The following MYO16 variants were observed in gnomAD, a reference collection of about 807,000 sequenced individuals.
The protein encoded by MYO16 is unconventional myosin-XVI.
Under a neutral mutation model 205.3 loss-of-function variants are expected in MYO16, and 94 were observed. The ratio of observed to expected loss-of-function variants is 0.46; its 90% CI spans 0.39 to 0.54. MYO16 has a LOEUF of 0.54. Ranked by LOEUF, MYO16 falls within the 20% of genes least tolerant of loss-of-function variation. The pLI, the probability that MYO16 is intolerant of heterozygous loss-of-function variation, is 0.00. For missense variants in MYO16, 2,315 were observed against 2,387.5 expected, an observed-to-expected ratio of 0.97 and a Z score of 0.63; for synonymous variants, 988 against 954.0, an observed-to-expected ratio of 1.04 and a Z score of -0.66.
At chr13:109,034,058 C>A (rs1302753282) in intron 23 of MYO16, among the ~76,000 whole-genome samples, 1 of 152,036 alleles carries the variant, frequency 6.6e-6, no homozygotes, top group Non-Finnish European at 1.5e-5. Context: ...AGCAAATGGG[C>A]GTACCTTGAA....
At chr13:108,640,516 T>C (rs1021965024) in intron 1 of MYO16, among the ~76,000 whole-genome samples, 18 of 152,158 alleles carry the variant, frequency 1.2e-4, no homozygotes, top group African/African-American at 4.1e-4. Flanking sequence ...GCTTCATTTT[T>C]TTGGAGAGGA....
At chr13:109,199,193 TATATA>T (rs1228122219) in intron 34 of MYO16, among the ~76,000 whole-genome samples, 1 of 2,028 alleles carries the variant, frequency 4.9e-4, no homozygotes, top group Non-Finnish European at 3.4e-3. Context: ...ATAAAAAAGG[TATATA>T]TATATATATA....
chr13:109,000,187 C>T (rs1158256533), intron 21 of MYO16, among the ~76,000 whole-genome samples: 1 of 152,094 alleles, frequency 6.6e-6, no homozygotes, highest in Admixed American at 6.5e-5. Flanking sequence ...TGTGGCTGTC[C>T]AGCTATAAAG....
chr13:109,045,968 T>C (rs533258198), intron 23 of MYO16, among the ~76,000 whole-genome samples: 8 of 142,176 alleles, frequency 5.6e-5, no homozygotes, highest in African/African-American at 2.0e-4. Flanking sequence ...AGGCACACTC[T>C]CCCTCAGGCG....
intron 16 of MYO16, among the ~76,000 whole-genome samples, chr13:108,948,215 C>A (rs1236137355): frequency 2.6e-5 from 4 of 152,186 alleles, no homozygotes; most frequent in Non-Finnish European, 5.9e-5. Context: ...TTTATTGATA[C>A]CAACTGTTTA....
At chr13:109,139,900 T>C (rs932983296) in intron 31 of MYO16, among the ~76,000 whole-genome samples, 3 of 152,062 alleles carry the variant, frequency 2.0e-5, no homozygotes, top group African/African-American at 7.2e-5. Context: ...TTTACTTTTG[T>C]TTCTTTTTAA....
intron 1 of MYO16, among the ~76,000 whole-genome samples, chr13:108,636,096 G>T (rs1228530709): frequency 2.6e-5 from 4 of 151,820 alleles, no homozygotes; most frequent in Non-Finnish European, 4.4e-5. Context: ...ATTGAAATTT[G>T]CTTTTGTCGC....
At chr13:108,588,369 T>C in the MYO16 span, among the ~76,000 whole-genome samples, 1 of 152,214 alleles carries the variant, frequency 6.6e-6, no homozygotes, top group African/African-American at 2.4e-5. Context: ...GCATCATTAC[T>C]GGCTCAGCGC....
intron 9 of MYO16, 58 bp downstream of exon 9, chr13:108,823,336 G>T: frequency 6.6e-7 from 1 of 1,505,536 alleles, no homozygotes; most frequent in Non-Finnish European, 9.0e-7. Flanking sequence ...GGTCATTTTA[G>T]AGCCCATATT....
chr13:108,941,676 CAA>C (rs576929781), intron 16 of MYO16, among the ~76,000 whole-genome samples: 25 of 45,022 alleles, frequency 5.6e-4, no homozygotes, highest in African/African-American at 8.9e-4. Flanking sequence ...GACTCAGTCT[CAA>C]AAAAAAAAAA....
Position 109,055,609 on chromosome 13 carries a change from C to T in MYO16, c.3335+14C>T, listed in dbSNP as rs964630424. The T allele has an allele frequency of 1.2e-6, 2 of 1,600,368 alleles. No homozygotes were observed. Among genetic ancestry groups the T allele is most frequent in the South Asian group, 1.1e-5 (1 of 90,934 alleles). Reference sequence around the variant, plus strand: ...TTTCCTGTCAAGGTAAATTCTTCTGCTCTTAAAATCGTCGTTCTCGCTGCT... The same window carrying T: ...TTTCCTGTCAAGGTAAATTCTTCTGTTCTTAAAATCGTCGTTCTCGCTGCT... On this transcript the variant is annotated intron_variant, in intron 27 of 34. Transcript: ENST00000457511. This position sits in a 1 kb window ranked among gnomAD's most constrained non-coding sequence, Gnocchi z 5.0.
chr13:108,877,094 C>G (rs937598209), intron 12 of MYO16, among the ~76,000 whole-genome samples: 4 of 152,104 alleles, frequency 2.6e-5, no homozygotes, highest in Non-Finnish European at 5.9e-5. Flanking sequence ...GACACACAAC[C>G]GGTTATATTT....
chr13:109,022,218 TTA>T (rs1449537401), intron 23 of MYO16, among the ~76,000 whole-genome samples: 1 of 133,852 alleles, frequency 7.5e-6, no homozygotes, highest in African/African-American at 3.0e-5. Flanking sequence ...ATTTTTATAT[TTA>T]TATATTATAT....
intron 20 of MYO16, among the ~76,000 whole-genome samples, chr13:108,968,346 A>G (rs1452418408): frequency 6.6e-6 from 1 of 152,226 alleles, no homozygotes; most frequent in Non-Finnish European, 1.5e-5. Context: ...ACAGTGGCTC[A>G]TGCCTGTAAT....
intron 4 of MYO16, among the ~76,000 whole-genome samples, chr13:108,729,868 T>A (rs760012439): frequency 6.6e-6 from 1 of 152,192 alleles, no homozygotes; most frequent in African/African-American, 2.4e-5. Context: ...CTCTACTGAG[T>A]CTAGATCGTG....
the MYO16 span, among the ~76,000 whole-genome samples, chr13:108,560,196 T>C: frequency 2.0e-5 from 3 of 152,210 alleles, no homozygotes; most frequent in African/African-American, 7.2e-5. Context: ...AGAACTCCTA[T>C]CTATGAAGGC....
chr13:109,203,614 G>T (rs1338000162), intron 34 of MYO16, among the ~76,000 whole-genome samples: 2 of 152,082 alleles, frequency 1.3e-5, no homozygotes, highest in African/African-American at 4.8e-5. Flanking sequence ...CGAGGTCTTT[G>T]TTCCTCAGCC....
intron 10 of MYO16, 37 bp from the exon 11 acceptor site, chr13:108,855,406 G>A: frequency 7.8e-7 from 1 of 1,285,644 alleles, no homozygotes; most frequent in Non-Finnish European, 1.1e-6. Flanking sequence ...TGATTGGAAA[G>A]CAATTAGAAT....
At chr13:108,593,489 G>A (rs749426434), upstream of MYO16, among the ~76,000 whole-genome samples, 3 of 152,114 alleles carry the variant, frequency 2.0e-5, no homozygotes, top group Non-Finnish European at 4.4e-5. Flanking sequence ...ACGGCAGGAC[G>A]GTGCAGTCTG....
Sources: allele counts gnomAD v4.1 joint callset (sites outside exome capture counted in the v4.1 genomes callset), GRCh38; gene constraint gnomAD v4.1.1; non-coding constraint Gnocchi (gnomAD v3.1); transcripts MANE v1.5; gene names NCBI Gene and HGNC (gene_info 2026-07-23, HGNC 2026-07-21).